DOCK1: variants seen among roughly 807,000 people sequenced by gnomAD.
DOCK1 encodes dedicator of cytokinesis 1.
DOCK1 carries 138 observed loss-of-function variants against 262.7 expected under a neutral mutation model. The ratio of observed to expected loss-of-function variants is 0.53; its 90% CI spans 0.46 to 0.61. The LOEUF (loss-of-function observed/expected upper bound fraction) is 0.61, where lower values mean the gene tolerates loss of function less well. DOCK1 is among the 20% of genes least tolerant of loss of function. The pLI is 0.00. For synonymous variants in DOCK1, 866 were observed against 867.4 expected (o/e 1.00, Z 0.03); for missense variants, 1,908 against 2,370.7 (o/e 0.80, Z 4.05).
In DOCK1 at chr10:127,175,563, T is replaced by C. The variant is rs1453764131; in HGVS notation, c.2847+47799T>C. On this transcript the variant is annotated intron_variant, in intron 27 of 51. Transcript: ENST00000623213. The surrounding 1 kb of genome is among the most constrained non-coding windows in gnomAD (Gnocchi z 6.3). ...GTCATCTGCCGGGCAGAGTGACCAC[T>C]GGCTGGCGGCTGCAGAGTCTGACAA... is the stretch of plus-strand genomic sequence containing the variant. 1 of 1,611,754 alleles carries C rather than the reference T, an allele frequency of 6.2e-7. No individual in the cohort carries two copies. The highest frequency in any genetic ancestry group is 1.1e-5 in the South Asian group (1 of 91,068).
At chr10:127,258,752 C>T (rs963318493) in intron 29 of DOCK1, among the ~76,000 whole-genome samples, 3 of 152,182 alleles carry the variant, frequency 2.0e-5, no homozygotes, top group Non-Finnish European at 2.9e-5. Context: ...TCCCACCAGC[C>T]ATGTAAGTGA....
intron 27 of DOCK1, among the ~76,000 whole-genome samples, chr10:127,213,255 T>G (rs1301489112): frequency 6.6e-6 from 1 of 152,230 alleles, no homozygotes; most frequent in Non-Finnish European, 1.5e-5. Flanking sequence ...TGGGCATCAG[T>G]GTAAGTAAGA....
At chr10:127,030,303 T>A (rs2043150785) in intron 16 of DOCK1, among the ~76,000 whole-genome samples, 1 of 152,226 alleles carries the variant, frequency 6.6e-6, no homozygotes, top group South Asian at 2.1e-4. Flanking sequence ...CTTGAGGAAT[T>A]TCTGGCAGAT....
At chr10:127,148,896 G>T (rs967156395) in intron 27 of DOCK1, among the ~76,000 whole-genome samples, 3 of 152,070 alleles carry the variant, frequency 2.0e-5, no homozygotes, top group African/African-American at 7.2e-5. Flanking sequence ...CATCACAACC[G>T]AAGGGATGTC....
chr10:127,135,629 GA>G (rs1368584296), intron 27 of DOCK1: 1 of 152,616 alleles, frequency 6.6e-6, no homozygotes, highest in Non-Finnish European at 1.5e-5. Context: ...ATTAAACTAT[GA>G]AATGATTTTG....
intron 29 of DOCK1, among the ~76,000 whole-genome samples, chr10:127,259,184 G>A (rs2059928873): frequency 6.6e-6 from 1 of 152,186 alleles, no homozygotes; most frequent in Admixed American, 6.5e-5. Context: ...CTGGCCCGGG[G>A]AGCAGAGTGG....
chr10:127,247,884 G>A (rs2059484401), intron 27 of DOCK1, 124 bp from the exon 28 acceptor site: 1 of 842,434 alleles, frequency 1.2e-6, no homozygotes, highest in African/African-American at 1.7e-5. Context: ...AGAACCCAGG[G>A]CTCCCTGCCC....
intron 13 of DOCK1, among the ~76,000 whole-genome samples, chr10:127,022,170 C>CT: frequency 6.6e-6 from 1 of 151,888 alleles, no homozygotes; most frequent in Non-Finnish European, 1.5e-5. Flanking sequence ...GCCCATCTCA[C>CT]TTTAAAACAG....
intron 27 of DOCK1, among the ~76,000 whole-genome samples, chr10:127,168,425 C>T (rs987141645): frequency 3.9e-5 from 6 of 152,240 alleles, no homozygotes; most frequent in Middle Eastern, 6.3e-3. Context: ...CTCAGCTCAG[C>T]GCTGCTTTCT....
intron 29 of DOCK1, among the ~76,000 whole-genome samples, chr10:127,263,522 G>A (rs1048093417): frequency 5.9e-5 from 9 of 152,224 alleles, no homozygotes; most frequent in African/African-American, 2.2e-4. Context: ...CAGATGGCAA[G>A]ATGACATTTA....
intron 21 of DOCK1, among the ~76,000 whole-genome samples, chr10:127,051,319 C>T (rs2044710106): frequency 6.6e-6 from 1 of 152,044 alleles, no homozygotes; most frequent in African/African-American, 2.4e-5. Context: ...CATGTGTCCA[C>T]TGATAGTATT....
chr10:127,197,026 C>T (rs1174495556), intron 27 of DOCK1, among the ~76,000 whole-genome samples: 2 of 152,112 alleles, frequency 1.3e-5, no homozygotes, highest in Non-Finnish European at 2.9e-5. Flanking sequence ...CTTGTAGGTG[C>T]CTGGCCGCTC....
chr10:127,410,803 G>C (rs377513578), intron 42 of DOCK1, 37 bp from the exon 43 acceptor site: 3 of 1,598,660 alleles, frequency 1.9e-6, no homozygotes, highest in Non-Finnish European at 2.6e-6. Flanking sequence ...GCTATTTGCC[G>C]GGTTAAATAT....
Position 127,404,227 on chromosome 10 carries a change from A to G in DOCK1, c.4018-98A>G, listed in dbSNP as rs1273493267. ...CCACCATCTCCCCCTCCCACCCTAT[A>G]GAAGTTGCCAGAGCTTTTAAAGAGC... On this transcript the variant is annotated intron_variant, in intron 39 of 51. Coordinates refer to ENST00000623213, the MANE Select transcript of DOCK1 (RefSeq NM_001290223.2). The G allele has an allele frequency of 1.1e-5, 10 of 940,810 alleles. No homozygotes were observed. In the East Asian group the frequency reaches 2.4e-4, roughly 22 times the overall value. The allele number at this position is 940,810 out of a possible 1,614,324, so 58.3% of individuals were successfully genotyped here.
chr10:127,336,586 C>T (rs1466566105), intron 29 of DOCK1, among the ~76,000 whole-genome samples: 1 of 150,824 alleles, frequency 6.6e-6, no homozygotes, highest in Non-Finnish European at 1.5e-5. Flanking sequence ...GTCACCCAGG[C>T]TGGAGTGCAG....
intron 23 of DOCK1, among the ~76,000 whole-genome samples, chr10:127,102,207 A>G (rs1396701600): frequency 6.6e-6 from 1 of 152,182 alleles, no homozygotes; most frequent in African/African-American, 2.4e-5. Context: ...TTGGGGCTGC[A>G]CAGACCAACC....
chr10:127,051,607 G>A (rs2044726844), intron 21 of DOCK1, among the ~76,000 whole-genome samples: 1 of 152,082 alleles, frequency 6.6e-6, no homozygotes, highest in Non-Finnish European at 1.5e-5. Context: ...TTTGAGACAA[G>A]GTTTCACTCT....
intron 48 of DOCK1, among the ~76,000 whole-genome samples, chr10:127,438,175 C>A (rs1386030880): frequency 6.6e-6 from 1 of 152,226 alleles, no homozygotes; most frequent in Non-Finnish European, 1.5e-5. Context: ...TTTCTTCCAC[C>A]TCCTGATAGG....
intron 29 of DOCK1, among the ~76,000 whole-genome samples, chr10:127,302,953 G>C (rs767274622): frequency 2.2e-4 from 33 of 152,122 alleles, no homozygotes; most frequent in Admixed American, 7.2e-4. Flanking sequence ...ACACCTGTGT[G>C]ACATTAAATT....
Sources: allele counts gnomAD v4.1 joint callset (sites outside exome capture counted in the v4.1 genomes callset), GRCh38; gene constraint gnomAD v4.1.1; non-coding constraint Gnocchi (gnomAD v3.1); transcripts MANE v1.5; gene names NCBI Gene and HGNC (gene_info 2026-07-23, HGNC 2026-07-21).